REDIC1: variants seen among roughly 807,000 people sequenced by gnomAD.
REDIC1 encodes the protein regulator of DNA class I crossover intermediates 1, also known as HEI10 Interacting Protein 1.
At chr12:39,882,500 C>T in the REDIC1 span, among the ~76,000 whole-genome samples, 40 of 152,300 alleles carry the variant, frequency 2.6e-4, no homozygotes, top group East Asian at 5.4e-3. Flanking sequence ...GAAAGGGTCT[C>T]GAGAAAAACA....
At chr12:39,862,647 GGTATTAT>G in the REDIC1 span, among the ~76,000 whole-genome samples, 1 of 152,120 alleles carries the variant, frequency 6.6e-6, no homozygotes, top group African/African-American at 2.4e-5. Context: ...CTCATCTTAA[GGTATTAT>G]GTGATTCTTT....
At chr12:39,702,181 G>T in the REDIC1 span, among the ~76,000 whole-genome samples, 1 of 151,802 alleles carries the variant, frequency 6.6e-6, no homozygotes, top group Admixed American at 6.6e-5. Flanking sequence ...AACAAAATTG[G>T]TAGACCTAGC....
the REDIC1 span, among the ~76,000 whole-genome samples, chr12:39,806,396 A>G: frequency 6.6e-6 from 1 of 152,210 alleles, no homozygotes; most frequent in Non-Finnish European, 1.5e-5. Flanking sequence ...CTCACAGAAG[A>G]AAATGGCATT....
chr12:39,748,037 A>G, the REDIC1 span, among the ~76,000 whole-genome samples: 1 of 152,208 alleles, frequency 6.6e-6, no homozygotes, highest in Admixed American at 6.5e-5. Context: ...CAAAATAACC[A>G]GCTAACATCA....
chr12:39,822,901 G>A, the REDIC1 span, among the ~76,000 whole-genome samples: 13 of 152,288 alleles, frequency 8.5e-5, no homozygotes, highest in Non-Finnish European at 1.6e-4. Flanking sequence ...TAAGAAATTC[G>A]ATAAATTAAT....
At chr12:39,896,541 T>TAC in the REDIC1 span, among the ~76,000 whole-genome samples, 5 of 136,812 alleles carry the variant, frequency 3.7e-5, no homozygotes, top group African/African-American at 1.4e-4. Flanking sequence ...TGTATGTATG[T>TAC]ATGTGTGTAT....
the REDIC1 span, among the ~76,000 whole-genome samples, chr12:39,725,029 T>C: frequency 1.3e-5 from 2 of 151,852 alleles, no homozygotes; most frequent in Admixed American, 1.3e-4. Context: ...AATTTCCAAG[T>C]GGGATTAAAA....
the REDIC1 span, among the ~76,000 whole-genome samples, chr12:39,700,904 C>G: frequency 6.6e-6 from 1 of 152,016 alleles, no homozygotes; most frequent in Admixed American, 6.6e-5. Flanking sequence ...TTTGTCACCA[C>G]CAGGCCTGCC....
chr12:39,843,188 T>G, the REDIC1 span, among the ~76,000 whole-genome samples: 3 of 152,080 alleles, frequency 2.0e-5, no homozygotes, highest in Admixed American at 6.6e-5. Flanking sequence ...TATATTAACT[T>G]TCTGAAAAAC....
chr12:39,886,205 C>T, the REDIC1 span, among the ~76,000 whole-genome samples: 7 of 151,986 alleles, frequency 4.6e-5, no homozygotes, highest in African/African-American at 1.7e-4. Context: ...ACTGTAACAG[C>T]CCTGGGCAAA....
the REDIC1 span, among the ~76,000 whole-genome samples, chr12:39,788,961 G>A: frequency 1.8e-4 from 28 of 151,988 alleles, no homozygotes; most frequent in Admixed American, 1.1e-3. Flanking sequence ...GTGTGTGTGC[G>A]CAAACAAAAT....
At chr12:39,629,476 C>G in the REDIC1 span, among the ~76,000 whole-genome samples, 1 of 152,136 alleles carries the variant, frequency 6.6e-6, no homozygotes, top group Non-Finnish European at 1.5e-5. Flanking sequence ...CATTTGATAG[C>G]AATATCTTTA....
At chr12:39,682,131 A>G in the REDIC1 span, among the ~76,000 whole-genome samples, 1 of 152,066 alleles carries the variant, frequency 6.6e-6, no homozygotes, top group Non-Finnish European at 1.5e-5. Context: ...TTCCTTGGGA[A>G]CTTTATAATT....
At chr12:39,759,048 G>A in the REDIC1 span, 2 of 152,326 alleles carry the variant, frequency 1.3e-5, no homozygotes, top group African/African-American at 4.8e-5. Context: ...ATAAAAGAAA[G>A]GGGAAAAATG....
At chr12:39,653,660 C>G in the REDIC1 span, among the ~76,000 whole-genome samples, 1 of 150,672 alleles carries the variant, frequency 6.6e-6, no homozygotes, top group East Asian at 1.9e-4. Context: ...GCAATTTTTA[C>G]TTCCCTTTCT....
chr12:39,790,063 A>C, the REDIC1 span, among the ~76,000 whole-genome samples: 15 of 151,848 alleles, frequency 9.9e-5, no homozygotes, highest in African/African-American at 3.6e-4. Flanking sequence ...TATATCCTAA[A>C]TATTTTAATT....
the REDIC1 span, among the ~76,000 whole-genome samples, chr12:39,819,456 A>C: frequency 7.6e-4 from 115 of 152,272 alleles, no homozygotes; most frequent in Non-Finnish European, 1.3e-3. Context: ...AGTTTACTAC[A>C]AACTTTTATT....
the REDIC1 span, among the ~76,000 whole-genome samples, chr12:39,771,977 G>C: frequency 1.3e-5 from 2 of 152,044 alleles, no homozygotes; most frequent in South Asian, 2.1e-4. Flanking sequence ...TCTACTGTCA[G>C]TATCTACCAT....
At chr12:39,627,488 C>T in the REDIC1 span, among the ~76,000 whole-genome samples, 1 of 152,220 alleles carries the variant, frequency 6.6e-6, no homozygotes, top group Admixed American at 6.5e-5. Flanking sequence ...TGTCATATAT[C>T]ACAAACTTTT....
Sources: gnomAD v4.1 joint callset for allele counts (sites outside exome capture counted in the v4.1 genomes callset) on GRCh38, gnomAD v4.1.1 for gene constraint, MANE v1.5 for transcripts, NCBI Gene and HGNC (gene_info 2026-07-23, HGNC 2026-07-21) for gene names.